WWOX: variants seen among roughly 807,000 people sequenced by gnomAD.
WWOX encodes the protein WW domain containing oxidoreductase.
Under a neutral mutation model 46.2 loss-of-function variants are expected in WWOX, and 69 were observed. The ratio of observed to expected loss-of-function variants is 1.49; its 90% CI spans 1.23 to 1.82. The LOEUF (loss-of-function observed/expected upper bound fraction) is 1.82, where lower values mean the gene tolerates loss of function less well. Among genes scored for constraint, WWOX ranks in the 40% most tolerant of loss-of-function variants. WWOX has a pLI of 0.00. For missense variants in WWOX, 919 were observed against 542.6 expected, an observed-to-expected ratio of 1.69 and a Z score of -6.89; for synonymous variants, 359 against 202.6, an observed-to-expected ratio of 1.77 and a Z score of -6.56.
At chr16:78,903,461 A>G (rs560510914) in intron 8 of WWOX, among the ~76,000 whole-genome samples, 9 of 152,340 alleles carry the variant, frequency 5.9e-5, no homozygotes, top group African/African-American at 2.2e-4. Flanking sequence ...TTACACTCCT[A>G]TGCAAACGTC....
At chr16:78,225,160 A>G (rs1290500694) in intron 5 of WWOX, among the ~76,000 whole-genome samples, 2 of 152,238 alleles carry the variant, frequency 1.3e-5, no homozygotes, top group African/African-American at 4.8e-5. Flanking sequence ...CATCCAGGCT[A>G]TATGGTATAG....
chr16:78,104,552 A>G (rs1239549410), intron 1 of WWOX, among the ~76,000 whole-genome samples: 4 of 152,174 alleles, frequency 2.6e-5, no homozygotes, highest in Non-Finnish European at 5.9e-5. Context: ...TGGTATTCAC[A>G]TAATATGATG....
At chr16:78,946,514 C>G (rs908964292) in intron 8 of WWOX, among the ~76,000 whole-genome samples, 4 of 151,996 alleles carry the variant, frequency 2.6e-5, no homozygotes, top group African/African-American at 9.7e-5. Flanking sequence ...AAGAAATAGT[C>G]AAGAAGTTTC....
chr16:78,929,234 T>G lies in WWOX; in HGVS notation c.1057-282374T>G, dbSNP rs768231481. On this transcript the variant is annotated intron_variant, in intron 8 of 8. Transcript: ENST00000566780. ...CATAAACTCTTCAGTTCTGTTGGGC[T>G]TTTATGTTATCATACAGTGATTTTT... Among the ~76,000 whole-genome samples, 12 of 149,648 alleles carry G rather than the reference T, an allele frequency of 8.0e-5. 1 individual carries two copies. Among genetic ancestry groups the G allele is most frequent in the Admixed American group, 8.0e-4 (12 of 15,094 alleles).
chr16:78,852,523 C>T (rs1430506786), intron 8 of WWOX, among the ~76,000 whole-genome samples: 1 of 152,132 alleles, frequency 6.6e-6, no homozygotes, highest in East Asian at 1.9e-4. Flanking sequence ...TTCCTCCAAC[C>T]CCCTTTAAAC....
At chr16:78,309,359 C>T (rs111428856) in intron 5 of WWOX, among the ~76,000 whole-genome samples, 1 of 152,166 alleles carries the variant, frequency 6.6e-6, no homozygotes. Flanking sequence ...GCCTCCCCAG[C>T]CATGCTGAAC....
chr16:78,696,416 G>C (rs1410230361), intron 8 of WWOX, among the ~76,000 whole-genome samples: 1 of 152,040 alleles, frequency 6.6e-6, no homozygotes, highest in Non-Finnish European at 1.5e-5. Flanking sequence ...TCACCTTTGG[G>C]ATGCTGAGAA....
chr16:78,696,881 C>G (rs1033905473), intron 8 of WWOX, among the ~76,000 whole-genome samples: 3 of 152,152 alleles, frequency 2.0e-5, no homozygotes, highest in African/African-American at 7.2e-5. Flanking sequence ...ATCCTCATAG[C>G]TTAGCTCCCA....
rs1402863914 is a variant in WWOX, at chr16:79,036,264, G to A, written c.1057-175344G>A. On this transcript the variant is annotated intron_variant, in intron 8 of 8. Coordinates refer to ENST00000566780, the MANE Select transcript of WWOX (RefSeq NM_016373.4). The stretch of plus-strand genomic sequence containing the variant: ...AACCATGCCATGGGGCCTACTTTTT[G>A]CCCTGACTCCCACCAGATAATGCCC... Among the ~76,000 whole-genome samples, 232 of 152,064 alleles carry A rather than the reference G, an allele frequency of 1.5e-3. 5 individuals are homozygous for A. Among genetic ancestry groups the A allele is most frequent in the Admixed American group, 0.015 (231 of 15,272 alleles).
intron 6 of WWOX, among the ~76,000 whole-genome samples, chr16:78,416,563 C>T (rs946318258): frequency 1.1e-4 from 17 of 152,148 alleles, no homozygotes; most frequent in African/African-American, 3.9e-4. Flanking sequence ...TGCCTCCAGG[C>T]CTGTCTTTGG....
intron 8 of WWOX, among the ~76,000 whole-genome samples, chr16:78,916,058 C>G (rs1280465782): frequency 6.6e-6 from 1 of 152,142 alleles, no homozygotes. Context: ...TCTGAGTGTG[C>G]AGACACGATG....
chr16:79,020,355 G>C (rs987201583), intron 8 of WWOX, among the ~76,000 whole-genome samples: 1 of 152,190 alleles, frequency 6.6e-6, no homozygotes, highest in African/African-American at 2.4e-5. Flanking sequence ...AGTCCAACCA[G>C]TGGTTATGAA....
chr16:78,602,257 G>C (rs2045639024), intron 8 of WWOX, among the ~76,000 whole-genome samples: 1 of 152,054 alleles, frequency 6.6e-6, no homozygotes, highest in African/African-American at 2.4e-5. Context: ...TTTTTAGACA[G>C]AGTCTCGATC....
intron 8 of WWOX, among the ~76,000 whole-genome samples, chr16:79,033,131 C>T (rs918333163): frequency 1.0e-4 from 15 of 145,814 alleles, no homozygotes; most frequent in South Asian, 2.2e-4. Flanking sequence ...TAGTATTCCA[C>T]GGTGTAGATG....
intron 8 of WWOX, among the ~76,000 whole-genome samples, chr16:78,954,604 A>C (rs1018115723): frequency 1.3e-5 from 2 of 152,216 alleles, no homozygotes; most frequent in Non-Finnish European, 2.9e-5. Flanking sequence ...GGAAACAGAC[A>C]CATAAATAAG....
At position 78,904,086 on chromosome 16, in the gene WWOX, G is replaced by A. The variant is rs76345163; in HGVS notation, c.1057-307522G>A. 3.8e-3 allele frequency among the ~76,000 whole-genome samples: 571 copies of A among 152,168 alleles called. 2 individuals are homozygous for A. Among genetic ancestry groups the A allele is most frequent in the South Asian group, 0.011 (53 of 4,812 alleles). ...AACACCACGTACAAAAGGGATCAGG[G>A]TCCACCTTTCTGAAGAAAACTGCAG... On this transcript the variant is annotated intron_variant, in intron 8 of 8. Transcript: ENST00000566780.
Position 78,612,212 on chromosome 16 carries a change from G to T in WWOX, c.1056+179460G>T, listed in dbSNP as rs570186235. On this transcript the variant is annotated intron_variant, in intron 8 of 8. Transcript: ENST00000566780. ...TTCCCAAGAGTGATTCTAACAAAGA[G>T]GTGTAAATGGACAAGAATGAAAAGC... 3.3e-5 allele frequency among the ~76,000 whole-genome samples: 5 copies of T among 152,348 alleles called. No individual in the cohort carries two copies. The South Asian group carries it at 1.0e-3, about 32-fold the overall frequency.
At chr16:79,153,086 A>C (rs2050312931) in intron 8 of WWOX, among the ~76,000 whole-genome samples, 1 of 152,146 alleles carries the variant, frequency 6.6e-6, no homozygotes, top group South Asian at 2.1e-4. Context: ...CAGGGCAGGA[A>C]AATCCAAACT....
At chr16:78,913,549 C>G (rs982062723) in intron 8 of WWOX, among the ~76,000 whole-genome samples, 1 of 152,002 alleles carries the variant, frequency 6.6e-6, no homozygotes, top group African/African-American at 2.4e-5. Flanking sequence ...AGAGCAAAGT[C>G]ACTTGTCGAT....
Sources: allele counts gnomAD v4.1 joint callset (sites outside exome capture counted in the v4.1 genomes callset), GRCh38; gene constraint gnomAD v4.1.1; transcripts MANE v1.5; gene names NCBI Gene and HGNC (gene_info 2026-07-23, HGNC 2026-07-21).